The following MSI2 variants were observed in gnomAD, a reference collection of about 807,000 sequenced individuals.
MSI2 encodes RNA-binding protein Musashi homolog 2.
A neutral mutation model predicts 45.6 loss-of-function variants in MSI2; 17 were observed. That is an observed-to-expected ratio of 0.37 (90% CI 0.26 to 0.56). The LOEUF (loss-of-function observed/expected upper bound fraction) is 0.56. MSI2 is among the 20% of genes least tolerant of loss of function. The pLI is 0.77. For missense variants in MSI2, 293 were observed against 444.2 expected, an observed-to-expected ratio of 0.66 and a Z score of 3.06; for synonymous variants, 156 against 158.2, an observed-to-expected ratio of 0.99 and a Z score of 0.11.
intron 11 of MSI2, 125 bp from the exon 12 acceptor site, chr17:57,674,847 T>C (rs1400609786): frequency 7.9e-6 from 11 of 1,400,322 alleles, no homozygotes; most frequent in Non-Finnish European, 1.1e-5. Flanking sequence ...TTTTCTCAAG[T>C]GTTTGGCTTG....
At chr17:57,536,731 C>T (rs1458537328) in intron 7 of MSI2, among the ~76,000 whole-genome samples, 1 of 152,180 alleles carries the variant, frequency 6.6e-6, no homozygotes, top group Non-Finnish European at 1.5e-5. Context: ...GACAAGAAAG[C>T]GGACAGTCTG....
chr17:57,293,983 T>A (rs146211092), intron 5 of MSI2, among the ~76,000 whole-genome samples: 50 of 152,072 alleles, frequency 3.3e-4, no homozygotes, highest in African/African-American at 1.2e-3. Flanking sequence ...TCACTTTTTC[T>A]GAGGCTTGTT....
intron 11 of MSI2, among the ~76,000 whole-genome samples, chr17:57,665,358 C>T (rs1015289634): frequency 6.6e-6 from 1 of 152,122 alleles, no homozygotes; most frequent in African/African-American, 2.4e-5. Context: ...TTGGTAAGGT[C>T]GGAGTTTGTT....
intron 5 of MSI2, among the ~76,000 whole-genome samples, chr17:57,387,965 T>C (rs1044551078): frequency 6.6e-6 from 1 of 152,248 alleles, no homozygotes; most frequent in Non-Finnish European, 1.5e-5. Context: ...GCTCAGTCAC[T>C]TGCAGTGATC....
At chr17:57,697,255 A>T in the MSI2 span, among the ~76,000 whole-genome samples, 1 of 151,092 alleles carries the variant, frequency 6.6e-6, no homozygotes, top group Admixed American at 6.6e-5. Flanking sequence ...TCACAGTCTC[A>T]CACACCCTCT....
At chr17:57,475,262 T>A (rs538764245) in intron 6 of MSI2, among the ~76,000 whole-genome samples, 1 of 152,206 alleles carries the variant, frequency 6.6e-6, no homozygotes, top group Non-Finnish European at 1.5e-5. Context: ...GAGGTCCCAG[T>A]TGAGTGGGAC....
At chr17:57,455,543 G>C (rs1330805376) in intron 6 of MSI2, among the ~76,000 whole-genome samples, 1 of 152,174 alleles carries the variant, frequency 6.6e-6, no homozygotes, top group Non-Finnish European at 1.5e-5. Context: ...GTTAAAAAGA[G>C]ATCGTCTTTA....
chr17:57,654,685 C>T (rs1366903600), intron 11 of MSI2, among the ~76,000 whole-genome samples: 1 of 152,156 alleles, frequency 6.6e-6, no homozygotes, highest in Admixed American at 6.5e-5. Flanking sequence ...TGCAGGTCAG[C>T]ATGAACTCAA....
intron 10 of MSI2, among the ~76,000 whole-genome samples, chr17:57,649,789 C>T (rs1257085917): frequency 1.3e-5 from 2 of 152,204 alleles, no homozygotes; most frequent in East Asian, 1.9e-4. Flanking sequence ...GCCAGGAGGA[C>T]GGCTGTGCAG....
At chr17:57,505,760 G>C (rs1298651405) in intron 6 of MSI2, among the ~76,000 whole-genome samples, 3 of 152,140 alleles carry the variant, frequency 2.0e-5, no homozygotes, top group Non-Finnish European at 4.4e-5. Flanking sequence ...ATATATTCAA[G>C]TTAGTATGTA....
At chr17:57,466,983 C>T (rs1318639076) in intron 6 of MSI2, among the ~76,000 whole-genome samples, 3 of 152,128 alleles carry the variant, frequency 2.0e-5, no homozygotes, top group African/African-American at 7.2e-5. Flanking sequence ...TAGCTCTTTC[C>T]AAAGGGATCC....
intron 5 of MSI2, among the ~76,000 whole-genome samples, chr17:57,327,426 G>A (rs1913890891): frequency 6.6e-6 from 1 of 152,216 alleles, no homozygotes; most frequent in South Asian, 2.1e-4. Context: ...TGGAATGAGT[G>A]CTGAGTCCTG....
chr17:57,447,514 C>T (rs1452177885), intron 6 of MSI2, among the ~76,000 whole-genome samples: 1 of 152,088 alleles, frequency 6.6e-6, no homozygotes, highest in African/African-American at 2.4e-5. Context: ...CCTCCTGTCA[C>T]ATGAGTACGG....
intron 8 of MSI2, among the ~76,000 whole-genome samples, chr17:57,605,600 G>A (rs774247981): frequency 7.2e-5 from 11 of 152,222 alleles, no homozygotes; most frequent in Non-Finnish European, 1.5e-4. Flanking sequence ...CCTCTTCCCC[G>A]CGCAGAAGGC....
chr17:57,441,925 G>A (rs2084806650), intron 6 of MSI2, among the ~76,000 whole-genome samples: 1 of 152,124 alleles, frequency 6.6e-6, no homozygotes, highest in African/African-American at 2.4e-5. Flanking sequence ...GAGGACAGAA[G>A]GGTGAAGGGA....
intron 8 of MSI2, 64 bp downstream of exon 8, chr17:57,597,014 G>T (rs74783910): frequency 0.13 from 161,730 of 1,216,436 alleles, 11,654 homozygotes; most frequent in Middle Eastern, 0.17. Flanking sequence ...ACCCAGTCTT[G>T]CAGACTGGTC....
rs558904514 is a variant in MSI2, at chr17:57,567,442, G to A, written c.455-29426G>A. ...AATTGTGTGTGGATGTTCTGGCATA[G>A]CGAGTGTGAAAGCCAGGGGCTTGGC... On this transcript the variant is annotated intron_variant, in intron 7 of 13. Transcript: ENST00000284073. 3.9e-5 allele frequency among the ~76,000 whole-genome samples: 6 copies of A among 152,374 alleles called. No homozygotes were observed. In the East Asian group the frequency reaches 1.2e-3, roughly 29 times the overall value.
intron 5 of MSI2, among the ~76,000 whole-genome samples, chr17:57,375,534 C>T (rs1054872867): frequency 1.2e-4 from 18 of 152,260 alleles, no homozygotes; most frequent in African/African-American, 4.3e-4. Flanking sequence ...CATGGGATCA[C>T]GGCGTGGGGA....
intron 5 of MSI2, among the ~76,000 whole-genome samples, chr17:57,389,708 G>T (rs2144074301): frequency 6.6e-6 from 1 of 152,284 alleles, no homozygotes; most frequent in East Asian, 1.9e-4. Flanking sequence ...TACCCTCTTG[G>T]TCTTTCTCAG....
Sources: gnomAD v4.1 joint callset for allele counts (sites outside exome capture counted in the v4.1 genomes callset) on GRCh38, gnomAD v4.1.1 for gene constraint, MANE v1.5 for transcripts, NCBI Gene and HGNC (gene_info 2026-07-23, HGNC 2026-07-21) for gene names.